The following SLC67A2 variants were observed in gnomAD, a reference collection of about 807,000 sequenced individuals.
The protein encoded by SLC67A2 is solute carrier family 67 member A2.
the SLC67A2 span, chr2:102,718,473 G>A: frequency 5.6e-6 from 9 of 1,614,152 alleles, no homozygotes; most frequent in Admixed American, 5.0e-5. Context: ...CGCTTGTTTA[G>A]AGACATTATG....
At chr2:102,726,699 G>T in the SLC67A2 span, 1 of 1,199,992 alleles carries the variant, frequency 8.3e-7, no homozygotes, top group Non-Finnish European at 1.1e-6. Context: ...GACTTGCCAG[G>T]CACGGCTCCC....
chr2:102,723,295 C>A, the SLC67A2 span, among the ~76,000 whole-genome samples: 1 of 152,134 alleles, frequency 6.6e-6, no homozygotes, highest in Admixed American at 6.5e-5. Flanking sequence ...CATGAAGAAA[C>A]CCCGTCTCTA....
the SLC67A2 span, chr2:102,726,893 C>T: frequency 4.3e-6 from 7 of 1,613,362 alleles, no homozygotes; most frequent in East Asian, 4.5e-5. Context: ...GTGGCTGCTC[C>T]GAGAAGGAGA....
the SLC67A2 span, chr2:102,715,749 C>T: frequency 1.3e-5 from 2 of 152,026 alleles, no homozygotes; most frequent in African/African-American, 4.8e-5. Context: ...TTTTGACTTA[C>T]AAAAATAGCA....
the SLC67A2 span, chr2:102,718,521 G>C: frequency 8.4e-5 from 136 of 1,613,574 alleles, no homozygotes; most frequent in Admixed American, 1.3e-4. Context: ...CCCAGGCTGG[G>C]GGGGCCGCAA....
At chr2:102,729,661 A>C in the SLC67A2 span, among the ~76,000 whole-genome samples, 1 of 152,202 alleles carries the variant, frequency 6.6e-6, no homozygotes, top group African/African-American at 2.4e-5. Context: ...TTAGAAAAAA[A>C]ATAATATGGG....
chr2:102,720,571 C>T, the SLC67A2 span, among the ~76,000 whole-genome samples: 1 of 142,616 alleles, frequency 7.0e-6, no homozygotes. Flanking sequence ...GCAATCCTAC[C>T]TCAGGCTCTG....
the SLC67A2 span, chr2:102,719,166 T>C: frequency 6.2e-7 from 1 of 1,613,642 alleles, no homozygotes; most frequent in Non-Finnish European, 8.5e-7. Context: ...TTCTCTGTAC[T>C]GCCCGGTTTT....
the SLC67A2 span, among the ~76,000 whole-genome samples, chr2:102,723,073 G>A: frequency 6.6e-6 from 1 of 152,146 alleles, no homozygotes; most frequent in African/African-American, 2.4e-5. Context: ...TAATCATCAG[G>A]GAAATTCAAA....
the SLC67A2 span, among the ~76,000 whole-genome samples, chr2:102,732,953 A>G: frequency 6.6e-6 from 1 of 152,210 alleles, no homozygotes; most frequent in Non-Finnish European, 1.5e-5. Flanking sequence ...TTCCACCTCC[A>G]TCACTTACTA....
At chr2:102,724,791 C>G in the SLC67A2 span, among the ~76,000 whole-genome samples, 1,628 of 152,374 alleles carry the variant, frequency 0.011, 35 homozygotes, top group African/African-American at 0.037. Context: ...CTTCAACACA[C>G]TCGTCCTACT....
At chr2:102,719,869 G>T in the SLC67A2 span, among the ~76,000 whole-genome samples, 1 of 152,166 alleles carries the variant, frequency 6.6e-6, no homozygotes, top group East Asian at 1.9e-4. Context: ...GCTTGGATCT[G>T]CCCCAGGTCA....
chr2:102,724,955 A>G, the SLC67A2 span, among the ~76,000 whole-genome samples: 286 of 152,362 alleles, frequency 1.9e-3, 9 homozygotes, highest in South Asian at 0.054. Context: ...GGGCCAGAAC[A>G]TGATTTCCGT....
chr2:102,723,799 A>T, the SLC67A2 span: 1 of 1,614,092 alleles, frequency 6.2e-7, no homozygotes, highest in African/African-American at 1.3e-5. Flanking sequence ...CCCAAGATGA[A>T]GCCCACACCG....
At chr2:102,727,325 T>C in the SLC67A2 span, among the ~76,000 whole-genome samples, 1 of 152,332 alleles carries the variant, frequency 6.6e-6, no homozygotes, top group Non-Finnish European at 1.5e-5. Context: ...AGATACCATG[T>C]ACATTTTTAA....
chr2:102,736,663 A>T, the SLC67A2 span: 1 of 1,613,910 alleles, frequency 6.2e-7, no homozygotes, highest in Non-Finnish European at 8.5e-7. Context: ...CCCACCAAGT[A>T]GAGACAGAGC....
chr2:102,721,156 A>G, the SLC67A2 span, among the ~76,000 whole-genome samples: 1 of 152,214 alleles, frequency 6.6e-6, no homozygotes, highest in African/African-American at 2.4e-5. Flanking sequence ...AACATATTAA[A>G]TGGCACTATT....
chr2:102,727,903 TA>T, the SLC67A2 span, among the ~76,000 whole-genome samples: 1 of 152,244 alleles, frequency 6.6e-6, no homozygotes, highest in African/African-American at 2.4e-5. Context: ...TTTTTCCTGA[TA>T]ATTTTTTTAA....
the SLC67A2 span, among the ~76,000 whole-genome samples, chr2:102,726,479 G>A: frequency 1.3e-5 from 2 of 152,128 alleles, no homozygotes; most frequent in South Asian, 4.1e-4. Context: ...CATGCTAAAT[G>A]TTCAATGGCC....
Sources: allele counts gnomAD v4.1 joint callset (sites outside exome capture counted in the v4.1 genomes callset), GRCh38; gene constraint gnomAD v4.1.1; transcripts MANE v1.5; gene names NCBI Gene and HGNC (gene_info 2026-07-23, HGNC 2026-07-21).